Variants in STAM observed in about 807,000 individuals in gnomAD.
STAM encodes the protein signal transducing adapter molecule 1.
STAM carries 16 observed loss-of-function variants against 63.4 expected under a neutral mutation model. That is an observed-to-expected ratio of 0.25 (90% CI 0.17 to 0.38). STAM has a LOEUF of 0.38. Ranked by LOEUF, STAM falls within the 10% of genes least tolerant of loss-of-function variation. The pLI is 1.00. For synonymous variants in STAM, 238 were observed against 223.9 expected, an observed-to-expected ratio of 1.06 and a Z score of -0.56; for missense variants, 636 against 657.1, an observed-to-expected ratio of 0.97 and a Z score of 0.35.
rs782209813 is a variant in STAM at position 17,714,768 on chromosome 10, G to C, written c.1611G>C (p.Lys537Asn). The C allele has an allele frequency of 3.7e-6, 6 of 1,613,958 alleles. No homozygotes were observed. The Admixed American group carries it at 1.0e-4, about 27-fold the overall frequency. The change falls in exon 14 of 14, where the codon AAG (lysine) becomes AAC (asparagine). Residue 537 changes from lysine to asparagine, a missense_variant. Transcript: ENST00000377524. ...PPQPQQPYSQ[K>N]ALL ...AGCCACAGCAACCATATTCTCAGAAGGCTCTGCTATAGGACCCGGTGTTCC... is the reference window on the plus strand; with the variant it reads ...AGCCACAGCAACCATATTCTCAGAACGCTCTGCTATAGGACCCGGTGTTCC...
chr10:17,708,048 G>A (rs1176264574), intron 12 of STAM, among the ~76,000 whole-genome samples: 3 of 152,146 alleles, frequency 2.0e-5, no homozygotes, highest in Middle Eastern at 3.4e-3. Flanking sequence ...CCGCCACCAC[G>A]CCTGGCTAAT....
chr10:17,684,907 G>A lies in STAM; in HGVS notation c.277G>A (p.Val93Ile), dbSNP rs1589073597. ...EVCSRDFASEVSNVLNKGHPK... is the reference protein window; with the variant it reads ...EVCSRDFASEISNVLNKGHPK... ...ATGTTCAAGAGATTTTGCTAGTGAA[G>A]TAAGCAACGTATTAAATAAGGTAAG... Residue 93 changes from valine (V) to isoleucine (I), a missense_variant, in exon 4 of 14, where the codon GTA becomes ATA. This residue lies in a region of STAM where 17 missense variants were observed against 39.9 expected (regional missense o/e 0.43). Transcript: ENST00000377524. 1 of 1,613,770 alleles carries A rather than the reference G, an allele frequency of 6.2e-7. No homozygotes were observed. Among genetic ancestry groups the A allele is most frequent in the Non-Finnish European group, 8.5e-7 (1 of 1,179,760 alleles).
At chr10:17,648,956 C>T (rs1371425534) in intron 1 of STAM, among the ~76,000 whole-genome samples, 1 of 152,124 alleles carries the variant, frequency 6.6e-6, no homozygotes, top group Non-Finnish European at 1.5e-5. Context: ...CTGAACGCTC[C>T]AAGCTCATTC....
intron 2 of STAM, among the ~76,000 whole-genome samples, chr10:17,676,028 A>G (rs1554824622): frequency 1.3e-5 from 2 of 152,056 alleles, no homozygotes; most frequent in African/African-American, 4.8e-5. Flanking sequence ...TGCTGATAGA[A>G]TTCATTAAAA....
Position 17,644,176 on chromosome 10 carries a change from G to C in STAM, c.-164G>C, listed in dbSNP as rs530645515. The stretch of plus-strand genomic sequence containing the variant: ...CCTTGCTGTTGCCGCCGCCGCAGCT[G>C]CTGCCGCGGTTGGTGGGGTTGGGTG... On this transcript the variant is annotated 5_prime_UTR_variant, in exon 1 of 14. Coordinates refer to ENST00000377524, the MANE Select transcript of STAM (RefSeq NM_003473.4). 1.3e-5 allele frequency: 9 copies of C among 708,102 alleles called. No individual in the cohort carries two copies. The highest frequency in any genetic ancestry group is 5.4e-5 in the African/African-American group (3 of 55,696). 43.9% of individuals were successfully genotyped at this position (708,102 alleles called of 1,614,324 possible).
intron 2 of STAM, among the ~76,000 whole-genome samples, chr10:17,680,484 G>A (rs532880089): frequency 4.0e-5 from 6 of 150,566 alleles, no homozygotes; most frequent in Admixed American, 6.6e-5. Context: ...GTTCAGTGGC[G>A]CAATCGTGGC....
At chr10:17,662,224 C>T (rs184193019) in intron 2 of STAM, among the ~76,000 whole-genome samples, 23 of 152,212 alleles carry the variant, frequency 1.5e-4, no homozygotes, top group African/African-American at 5.5e-4. Flanking sequence ...TTTTTTCCCT[C>T]CTGTATAACA....
chr10:17,677,268 C>G (rs954813938), intron 2 of STAM, among the ~76,000 whole-genome samples: 5 of 152,056 alleles, frequency 3.3e-5, no homozygotes, highest in Admixed American at 6.6e-5. Flanking sequence ...ACCATCCTTT[C>G]CAAAAGTCAC....
chr10:17,688,271 T>C (rs1835377715), intron 5 of STAM, 98 bp downstream of exon 5: 6 of 1,239,464 alleles, frequency 4.8e-6, no homozygotes, highest in South Asian at 2.2e-5. Flanking sequence ...TAATTTTTAC[T>C]ACTTCAGAGG....
intron 9 of STAM, 106 bp downstream of exon 9, chr10:17,700,385 T>C: frequency 2.4e-6 from 2 of 841,672 alleles, no homozygotes; most frequent in Non-Finnish European, 3.5e-6. Context: ...GTAAAAATTT[T>C]TGTATTTTTT....
chr10:17,700,364 GT>G (rs1237334798), intron 9 of STAM, 85 bp downstream of exon 9: 24 of 1,038,700 alleles, frequency 2.3e-5, no homozygotes, highest in Non-Finnish European at 2.9e-5. Context: ...GATTACTTGA[GT>G]TTTTTTGTTG....
intron 2 of STAM, 39 bp downstream of exon 2, chr10:17,660,587 T>G: frequency 6.5e-7 from 1 of 1,532,924 alleles, no homozygotes; most frequent in Non-Finnish European, 8.9e-7. Context: ...TATTCTTTCT[T>G]TTTAAAAAAC....
In STAM at chr10:17,696,876, AT is replaced by A; in HGVS notation, c.823+11del. On this transcript the variant is annotated splice_region_variant and intron_variant, in intron 8 of 13. Transcript: ENST00000377524. ...ACTGCTGAACCAGAAATGAGTAAGTATTTTCCAGCCTGCCAATAAATGATGT... is the reference window on the plus strand; with the variant it reads ...ACTGCTGAACCAGAAATGAGTAAGTATTTCCAGCCTGCCAATAAATGATGT... 1.3e-6 allele frequency: 2 copies of A among 1,599,756 alleles called. No individual in the cohort carries two copies. The highest frequency in any genetic ancestry group is 1.7e-5 in the Admixed American group (1 of 59,754).
chr10:17,683,311 A>T (rs1835162955), intron 2 of STAM, among the ~76,000 whole-genome samples: 1 of 151,854 alleles, frequency 6.6e-6, no homozygotes, highest in Non-Finnish European at 1.5e-5. Context: ...AGGAGCTGGG[A>T]CCATTTCTGG....
At chr10:17,649,780 CT>C (rs1166726453) in intron 1 of STAM, among the ~76,000 whole-genome samples, 1 of 151,964 alleles carries the variant, frequency 6.6e-6, no homozygotes, top group East Asian at 1.9e-4. Flanking sequence ...GTTTTTAAAT[CT>C]TTTTTTACAT....
chr10:17,685,129 A>G (rs1835244234), intron 4 of STAM, among the ~76,000 whole-genome samples: 1 of 152,220 alleles, frequency 6.6e-6, no homozygotes. Context: ...TTCAAGCCAT[A>G]TTAGAGTGTT....
chr10:17,664,882 T>G (rs1234518114), intron 2 of STAM, among the ~76,000 whole-genome samples: 1 of 152,152 alleles, frequency 6.6e-6, no homozygotes, highest in Non-Finnish European at 1.5e-5. Flanking sequence ...GGAAGGACTT[T>G]AGGAGGAGCA....
intron 9 of STAM, among the ~76,000 whole-genome samples, chr10:17,703,008 CAAAA>C (rs71507229): frequency 1.5e-5 from 1 of 67,862 alleles, no homozygotes; most frequent in Non-Finnish European, 3.0e-5. Context: ...GACTCCATCT[CAAAA>C]AAAAAAAAAA....
intron 2 of STAM, among the ~76,000 whole-genome samples, chr10:17,679,918 T>C (rs1554825100): frequency 6.6e-6 from 1 of 152,082 alleles, no homozygotes; most frequent in Non-Finnish European, 1.5e-5. Flanking sequence ...TTCAGTGAGG[T>C]TGAGAGTAAT....
Sources: allele counts gnomAD v4.1 joint callset (sites outside exome capture counted in the v4.1 genomes callset), GRCh38; gene constraint gnomAD v4.1.1; regional missense constraint gnomAD v4.1.1; transcripts MANE v1.5; gene names NCBI Gene and HGNC (gene_info 2026-07-23, HGNC 2026-07-21).